The following TANK variants were observed in gnomAD, a reference collection of about 807,000 sequenced individuals.
TANK encodes the protein TRAF family member associated NFKB activator, also known as TRAF family member-associated NF-kappa-B activator.
TANK carries 15 observed loss-of-function variants against 43.6 expected under a neutral mutation model. The ratio of observed to expected loss-of-function variants is 0.34; its 90% CI spans 0.23 to 0.53. The LOEUF is 0.53. TANK is among the 20% of genes least tolerant of loss of function. The pLI is 0.94. For missense variants in TANK, 417 were observed against 498.6 expected (o/e 0.84, Z 1.56); for synonymous variants, 162 against 178.2 (o/e 0.91, Z 0.73).
In TANK at chr2:161,185,511, T is replaced by C. The variant is rs182889260; in HGVS notation, c.99+5750T>C. Among the ~76,000 whole-genome samples the C allele has an allele frequency of 2.8e-3, 419 of 150,462 alleles. 2 individuals are homozygous for C. Among genetic ancestry groups the C allele is most frequent in the African/African-American group, 9.7e-3 (397 of 40,970 alleles). ...TTTTTTTTTTCTTTTTTTGGATGAA[T>C]GAAACAATGTGGAAGAATATATAAC... On this transcript the variant is annotated intron_variant, in intron 2 of 7. Transcript: ENST00000392749.
chr2:161,221,494 G>A (rs967213448), intron 4 of TANK, among the ~76,000 whole-genome samples: 5 of 152,048 alleles, frequency 3.3e-5, no homozygotes, highest in Admixed American at 6.6e-5. Context: ...CTGAGTTTCT[G>A]GGAAAGTGTT....
At chr2:161,167,899 C>T (rs1487338542) in intron 1 of TANK, among the ~76,000 whole-genome samples, 1 of 152,080 alleles carries the variant, frequency 6.6e-6, no homozygotes, top group Non-Finnish European at 1.5e-5. Context: ...GCTGGGATTA[C>T]AAGTGTGAGC....
chr2:161,170,942 A>C (rs1348562221), intron 1 of TANK, among the ~76,000 whole-genome samples: 3 of 152,230 alleles, frequency 2.0e-5, no homozygotes, highest in African/African-American at 7.2e-5. Flanking sequence ...AGTACATTTT[A>C]CACAAGATGT....
At chr2:161,232,486 T>G (rs939373561) in intron 7 of TANK, among the ~76,000 whole-genome samples, 5 of 152,200 alleles carry the variant, frequency 3.3e-5, no homozygotes, top group African/African-American at 1.2e-4. Flanking sequence ...GTTGTCAAGC[T>G]GTGGTATATT....
At chr2:161,155,610 T>C (rs1376728588), upstream of TANK, among the ~76,000 whole-genome samples, 9 of 152,366 alleles carry the variant, frequency 5.9e-5, no homozygotes, top group East Asian at 1.5e-3. Flanking sequence ...CTGTAGATGT[T>C]ATTCTATTCA....
chr2:161,153,773 T>C (rs2105232931), intron 1 of TANK, among the ~76,000 whole-genome samples: 1 of 152,040 alleles, frequency 6.6e-6, no homozygotes. Context: ...CAATATTTAC[T>C]GCAGTCCTCC....
chr2:161,204,972 T>C, intron 4 of TANK, 179 bp downstream of exon 4: 1 of 1,379,746 alleles, frequency 7.2e-7, no homozygotes, highest in Non-Finnish European at 9.4e-7. Flanking sequence ...GGCTGAGGTT[T>C]TGTATTTCCT....
intron 1 of TANK, among the ~76,000 whole-genome samples, chr2:161,170,141 A>G (rs1684878084): frequency 1.3e-5 from 2 of 152,212 alleles, no homozygotes; most frequent in Non-Finnish European, 2.9e-5. Flanking sequence ...TAGTTTGAGA[A>G]TTGAAATAGA....
intron 1 of TANK, among the ~76,000 whole-genome samples, chr2:161,179,029 G>A (rs1279068583): frequency 6.6e-6 from 1 of 152,196 alleles, no homozygotes; most frequent in Non-Finnish European, 1.5e-5. Flanking sequence ...CTAGTCGGTA[G>A]TGGGGGTAGG....
chr2:161,179,157 C>T (rs189845713), intron 1 of TANK, among the ~76,000 whole-genome samples: 2 of 152,160 alleles, frequency 1.3e-5, no homozygotes, highest in African/African-American at 4.8e-5. Context: ...AACAACAGTG[C>T]GAACTCCATC....
At chr2:161,170,891 A>C (rs1684913554) in intron 1 of TANK, among the ~76,000 whole-genome samples, 1 of 152,238 alleles carries the variant, frequency 6.6e-6, no homozygotes, top group Non-Finnish European at 1.5e-5. Flanking sequence ...TAGGCTTTTT[A>C]ATTTAGAGTA....
intron 1 of TANK, among the ~76,000 whole-genome samples, chr2:161,143,039 T>A (rs965772069): frequency 1.3e-5 from 2 of 152,184 alleles, no homozygotes; most frequent in East Asian, 3.8e-4. Context: ...GTCCTTCACA[T>A]CCCTAGTTAA....
At chr2:161,228,731 G>A (rs950005304) in intron 6 of TANK, among the ~76,000 whole-genome samples, 1 of 152,024 alleles carries the variant, frequency 6.6e-6, no homozygotes, top group Non-Finnish European at 1.5e-5. Context: ...AGCAACCTCC[G>A]GTCCTGCAAA....
chr2:161,179,757 A>G lies in TANK; in HGVS notation c.95A>G (p.Gln32Arg), dbSNP rs1685336091. Residue 32 changes from glutamine (Q) to arginine (R), a missense_variant, in exon 2 of 8, where the codon CAA (glutamine) becomes CGA (arginine). Transcript: ENST00000392749. ...DRDSAVKELQ[Q>R]KTENYEQRIR... ...GATTCTGCAGTAAAAGAATTACAGC[A>G]AAAGGTGTGTGGTTCTGGTTTTGAA... 6.2e-7 allele frequency: 1 copy of G among 1,611,468 alleles called. No homozygotes were observed. Among genetic ancestry groups the G allele is most frequent in the Non-Finnish European group, 8.5e-7 (1 of 1,178,398 alleles).
chr2:161,145,364 A>G (rs757504828), intron 1 of TANK, among the ~76,000 whole-genome samples: 1 of 151,702 alleles, frequency 6.6e-6, no homozygotes, highest in Non-Finnish European at 1.5e-5. Flanking sequence ...TGATCCTGTC[A>G]TCGTGATGCT....
At chr2:161,211,924 T>A in intron 4 of TANK, 4 of 981,672 alleles carry the variant, frequency 4.1e-6, no homozygotes, top group Non-Finnish European at 4.8e-6. Flanking sequence ...TTATATATAA[T>A]GCTTCTGTAT....
intron 4 of TANK, among the ~76,000 whole-genome samples, chr2:161,213,162 C>G (rs1574046193): frequency 6.6e-6 from 1 of 152,300 alleles, no homozygotes; most frequent in African/African-American, 2.4e-5. Context: ...GGGATCTGCC[C>G]CCATGACCCA....
At chr2:161,161,450 A>G (rs1487264240) in intron 1 of TANK, 2 of 1,549,546 alleles carry the variant, frequency 1.3e-6, no homozygotes, top group Admixed American at 3.9e-5. Flanking sequence ...GTTAAAAATT[A>G]TTGTGTCCTC....
chr2:161,201,943 C>T (rs978327765), intron 2 of TANK, among the ~76,000 whole-genome samples: 4 of 152,062 alleles, frequency 2.6e-5, no homozygotes, highest in South Asian at 2.1e-4. Flanking sequence ...AATTGGAATC[C>T]GTATTTCCTT....
Sources: allele counts gnomAD v4.1 joint callset (sites outside exome capture counted in the v4.1 genomes callset), GRCh38; gene constraint gnomAD v4.1.1; transcripts MANE v1.5; gene names NCBI Gene and HGNC (gene_info 2026-07-23, HGNC 2026-07-21).